DAB1: variants seen among roughly 807,000 people sequenced by gnomAD.
The protein encoded by DAB1 is disabled homolog 1.
A neutral mutation model predicts 64.6 loss-of-function variants in DAB1; 15 were observed. The observed-to-expected ratio is 0.23, with a 90% CI of 0.16 to 0.36. The LOEUF is 0.36. Ranked by LOEUF, DAB1 falls within the 10% of genes least tolerant of loss-of-function variation. DAB1 has a pLI of 1.00. For synonymous variants in DAB1, 235 were observed against 251.9 expected, an observed-to-expected ratio of 0.93 and a Z score of 0.64; for missense variants, 596 against 706.7, an observed-to-expected ratio of 0.84 and a Z score of 1.78.
intron 7 of DAB1, among the ~76,000 whole-genome samples, chr1:57,602,086 C>T (rs906252479): frequency 4.6e-5 from 7 of 152,062 alleles, no homozygotes; most frequent in Admixed American, 4.6e-4. Context: ...ACTCAAAATT[C>T]ATTGCATAAA....
At chr1:58,328,718 G>C (rs1475818910) in intron 4 of DAB1, among the ~76,000 whole-genome samples, 2 of 152,046 alleles carry the variant, frequency 1.3e-5, no homozygotes, top group Non-Finnish European at 2.9e-5. Context: ...CAATTATCCT[G>C]CCTCAGCCTC....
At chr1:57,982,943 T>C (rs183651152) in intron 5 of DAB1, among the ~76,000 whole-genome samples, 5 of 152,306 alleles carry the variant, frequency 3.3e-5, no homozygotes, top group Non-Finnish European at 5.9e-5. Flanking sequence ...GGTTCTACTT[T>C]GCCAAAGAGA....
intron 3 of DAB1, among the ~76,000 whole-genome samples, chr1:58,488,872 T>A (rs570701136): frequency 1.3e-5 from 2 of 152,244 alleles, no homozygotes; most frequent in African/African-American, 4.8e-5. Context: ...AGTGAGAACA[T>A]AACATTTTTA....
chr1:57,070,347 G>C (rs765838564), intron 7 of DAB1, among the ~76,000 whole-genome samples: 17 of 152,214 alleles, frequency 1.1e-4, no homozygotes, highest in Admixed American at 2.0e-4. Flanking sequence ...ACAGGGGAGG[G>C]AGAGGCTGTC....
At chr1:57,759,877 G>A (rs1010947086) in intron 6 of DAB1, among the ~76,000 whole-genome samples, 3 of 152,106 alleles carry the variant, frequency 2.0e-5, no homozygotes, top group Non-Finnish European at 2.9e-5. Flanking sequence ...TTATAGAGGG[G>A]AAATGTGAAT....
intron 1 of DAB1, among the ~76,000 whole-genome samples, chr1:57,361,020 C>G (rs1465310834): frequency 7.2e-5 from 11 of 152,084 alleles, no homozygotes; most frequent in Non-Finnish European, 1.5e-4. Context: ...GAGAGGCCCC[C>G]CTTTAACACA....
intron 6 of DAB1, among the ~76,000 whole-genome samples, chr1:57,688,633 C>T (rs537151865): frequency 7.8e-4 from 118 of 152,220 alleles, no homozygotes; most frequent in Non-Finnish European, 1.5e-3. Context: ...CATCACAGTG[C>T]TATTCACATT....
intron 5 of DAB1, among the ~76,000 whole-genome samples, chr1:57,963,836 G>T (rs74837144): frequency 2.6e-5 from 4 of 152,154 alleles, no homozygotes; most frequent in Admixed American, 2.0e-4. Flanking sequence ...CACACATTTG[G>T]CAGTGCTTCT....
intron 8 of DAB1, among the ~76,000 whole-genome samples, chr1:57,063,460 T>C (rs958263670): frequency 6.6e-6 from 1 of 152,158 alleles, no homozygotes; most frequent in African/African-American, 2.4e-5. Flanking sequence ...TGGAAGGTTT[T>C]CATTGAAGAA....
chr1:57,009,761 G>C (rs1646207049), intron 14 of DAB1, among the ~76,000 whole-genome samples: 1 of 152,184 alleles, frequency 6.6e-6, no homozygotes. Flanking sequence ...TGGGTAACAA[G>C]GTGTACTTCT....
chr1:57,898,578 T>C (rs1183951271), intron 5 of DAB1, among the ~76,000 whole-genome samples: 1 of 152,140 alleles, frequency 6.6e-6, no homozygotes, highest in Non-Finnish European at 1.5e-5. Flanking sequence ...GGGAACTTAA[T>C]TAAAAAAATA....
intron 7 of DAB1, among the ~76,000 whole-genome samples, chr1:57,581,006 C>T (rs962869124): frequency 6.6e-6 from 1 of 152,208 alleles, no homozygotes; most frequent in Non-Finnish European, 1.5e-5. Flanking sequence ...AAATTAGATG[C>T]TAAGCCAAAG....
intron 7 of DAB1, among the ~76,000 whole-genome samples, chr1:57,449,335 C>T: frequency 6.6e-6 from 1 of 151,244 alleles, no homozygotes; most frequent in Non-Finnish European, 1.5e-5. Context: ...ATTGTCACCA[C>T]ATCAGTGGAG....
chr1:57,824,802 A>C (rs774518868), downstream of DAB1, among the ~76,000 whole-genome samples: 1 of 152,194 alleles, frequency 6.6e-6, no homozygotes, highest in Non-Finnish European at 1.5e-5. Flanking sequence ...CGAGCTTCAG[A>C]GATTCCAGCA....
At chr1:58,298,552 C>T (rs1662044474) in intron 4 of DAB1, among the ~76,000 whole-genome samples, 1 of 152,244 alleles carries the variant, frequency 6.6e-6, no homozygotes. Flanking sequence ...GCCTCTCCAG[C>T]AGCTCTGTCA....
rs114333970 is a variant in DAB1, at chr1:58,008,750, A to G, written n.388-124588T>C. 4.8e-3 allele frequency among the ~76,000 whole-genome samples: 724 copies of G among 152,260 alleles called. 8 individuals are homozygous for G. Among genetic ancestry groups the G allele is most frequent in the African/African-American group, 0.017 (698 of 41,574 alleles). On this transcript the variant is annotated intron_variant and non_coding_transcript_variant, in intron 5 of 20. Transcript: ENST00000485760. ...TAGAGAAATGTTTAGTTTCATGCCA[A>G]TCCAAGACATCAGTTCAGTTAAAAC...
chr1:57,563,927 T>C (rs995137733), intron 7 of DAB1, among the ~76,000 whole-genome samples: 1 of 152,184 alleles, frequency 6.6e-6, no homozygotes, highest in African/African-American at 2.4e-5. Context: ...GTCTGACAGC[T>C]TTGAAGAGTG....
At chr1:57,238,893 A>ACACACACACC (rs771778950) in intron 2 of DAB1, among the ~76,000 whole-genome samples, 1 of 147,888 alleles carries the variant, frequency 6.8e-6, no homozygotes, top group Non-Finnish European at 1.5e-5. Flanking sequence ...ACACACACAC[A>ACACACACACC]CCCCTAACTT....
intron 4 of DAB1, among the ~76,000 whole-genome samples, chr1:57,123,994 A>T (rs1304275513): frequency 6.6e-6 from 1 of 152,162 alleles, no homozygotes; most frequent in Non-Finnish European, 1.5e-5. Flanking sequence ...TTATAAACTG[A>T]AAAAAGCATA....
Sources: allele counts gnomAD v4.1 joint callset (sites outside exome capture counted in the v4.1 genomes callset), GRCh38; gene constraint gnomAD v4.1.1; transcripts MANE v1.5; gene names NCBI Gene and HGNC (gene_info 2026-07-23, HGNC 2026-07-21).